Variants in ATP8A1 observed in about 807,000 individuals in gnomAD.
ATP8A1 encodes phospholipid-transporting ATPase IA.
Under a neutral mutation model 177.7 loss-of-function variants are expected in ATP8A1, and 90 were observed. The ratio of observed to expected loss-of-function variants is 0.51; its 90% CI spans 0.43 to 0.60. The LOEUF is 0.60. Ranked by LOEUF, ATP8A1 falls within the 20% of genes least tolerant of loss-of-function variation. The probability of loss-of-function intolerance (pLI) is 0.00; values close to 1 mark genes in which losing one functional copy is unlikely to be tolerated. For synonymous variants in ATP8A1, 493 were observed against 485.9 expected, an observed-to-expected ratio of 1.01 and a Z score of -0.19; for missense variants, 1,072 against 1,392.8, an observed-to-expected ratio of 0.77 and a Z score of 3.67.
chr4:42,501,841 A>T (rs1723884630), intron 24 of ATP8A1, among the ~76,000 whole-genome samples: 1 of 152,082 alleles, frequency 6.6e-6, no homozygotes, highest in Non-Finnish European at 1.5e-5. Flanking sequence ...TCACCACTTA[A>T]CTCCCTGGGA....
At chr4:42,638,237 T>C (rs1264359406) in intron 1 of ATP8A1, among the ~76,000 whole-genome samples, 1 of 152,262 alleles carries the variant, frequency 6.6e-6, no homozygotes, top group Non-Finnish European at 1.5e-5. Context: ...AAATGACATG[T>C]TTCTTTAAGT....
At position 42,481,663 on chromosome 4, in the gene ATP8A1, G is replaced by A. The variant is rs560214787; in HGVS notation, c.2324+3833C>T. ...TTCAGCTGTATCCATAAATCTCCAT[G>A]AGTCTTAGAACAAGCTTTTTTCCCT... On this transcript the variant is annotated intron_variant, in intron 25 of 36. Transcript: ENST00000381668. Among the ~76,000 whole-genome samples the A allele has an allele frequency of 3.9e-5, 6 of 152,298 alleles. No homozygotes were observed. The South Asian group carries it at 1.2e-3, about 32-fold the overall frequency.
intron 5 of ATP8A1, among the ~76,000 whole-genome samples, chr4:42,603,500 A>G (rs1417317278): frequency 6.6e-6 from 1 of 152,054 alleles, no homozygotes; most frequent in East Asian, 1.9e-4. Flanking sequence ...AATGCTTTTG[A>G]TGCAACTTAA....
chr4:42,495,290 C>T (rs1316711116), intron 24 of ATP8A1, among the ~76,000 whole-genome samples: 1 of 152,172 alleles, frequency 6.6e-6, no homozygotes, highest in Admixed American at 6.5e-5. Flanking sequence ...TTAGCACGTT[C>T]TTAAAGAGTG....
chr4:42,480,184 G>A (rs1332563752), intron 25 of ATP8A1, among the ~76,000 whole-genome samples: 3 of 152,010 alleles, frequency 2.0e-5, no homozygotes, highest in Non-Finnish European at 4.4e-5. Context: ...CCTGGTGGTG[G>A]TCATCATAAT....
intron 25 of ATP8A1, among the ~76,000 whole-genome samples, chr4:42,467,537 CA>C (rs1719916756): frequency 1.3e-5 from 2 of 152,128 alleles, no homozygotes; most frequent in East Asian, 1.9e-4. Flanking sequence ...AATAAAAATA[CA>C]AAAAATTAGC....
chr4:42,569,227 G>A, intron 14 of ATP8A1, 22 bp from the exon 15 acceptor site: 1 of 1,593,776 alleles, frequency 6.3e-7, no homozygotes, highest in Non-Finnish European at 8.6e-7. Context: ...AAGAAGAGAG[G>A]CAGAAAGAGA....
chr4:42,529,148 G>A (rs1727001109), intron 20 of ATP8A1, among the ~76,000 whole-genome samples: 1 of 152,208 alleles, frequency 6.6e-6, no homozygotes, highest in African/African-American at 2.4e-5. Context: ...CCAGGCTGCT[G>A]TACAAGCTGC....
chr4:42,504,416 T>C (rs1724158659), intron 23 of ATP8A1, among the ~76,000 whole-genome samples: 1 of 152,252 alleles, frequency 6.6e-6, no homozygotes, highest in South Asian at 2.1e-4. Context: ...TTTGGGTTAA[T>C]GGTAATTCCA....
At chr4:42,543,097 C>G (rs1407167076) in intron 20 of ATP8A1, among the ~76,000 whole-genome samples, 1 of 152,074 alleles carries the variant, frequency 6.6e-6, no homozygotes. Flanking sequence ...AATAATTCTA[C>G]CAAAATGCTT....
intron 1 of ATP8A1, 152 bp downstream of exon 1, chr4:42,656,673 C>CGG (rs918621877): frequency 3.5e-6 from 3 of 845,368 alleles, no homozygotes. Flanking sequence ...GGGGGCAGCG[C>CGG]GGGGGGAAGG....
chr4:42,620,638 G>C (rs1291240610), intron 4 of ATP8A1, among the ~76,000 whole-genome samples: 1 of 152,184 alleles, frequency 6.6e-6, no homozygotes, highest in Non-Finnish European at 1.5e-5. Flanking sequence ...GATTCTGACA[G>C]CCCCAGTGTG....
intron 35 of ATP8A1, among the ~76,000 whole-genome samples, chr4:42,419,673 C>A (rs1204512573): frequency 6.6e-6 from 1 of 152,158 alleles, no homozygotes; most frequent in Non-Finnish European, 1.5e-5. Flanking sequence ...TCACAAGAAT[C>A]ACAATTTCTT....
chr4:42,461,828 G>A (rs1054577554), intron 27 of ATP8A1, among the ~76,000 whole-genome samples: 6 of 152,192 alleles, frequency 3.9e-5, no homozygotes, highest in Non-Finnish European at 7.4e-5. Flanking sequence ...GAATGGCTTT[G>A]ACCAAAATGC....
intron 10 of ATP8A1, among the ~76,000 whole-genome samples, chr4:42,581,101 C>A (rs1732992925): frequency 6.6e-6 from 1 of 152,032 alleles, no homozygotes. Flanking sequence ...CCCTGGTGAA[C>A]CTTCCAGTAT....
chr4:42,544,340 A>G (rs1269419926), intron 19 of ATP8A1, among the ~76,000 whole-genome samples: 2 of 152,262 alleles, frequency 1.3e-5, no homozygotes, highest in Admixed American at 6.5e-5. Context: ...ATTATGTTAT[A>G]GTTTTTATGA....
chr4:42,423,537 T>C, intron 34 of ATP8A1, 80 bp downstream of exon 34: 1 of 930,106 alleles, frequency 1.1e-6, no homozygotes, highest in Non-Finnish European at 1.6e-6. Flanking sequence ...TCTACATGCT[T>C]GAGTTGATGT....
chr4:42,455,671 T>TA (rs1718406323), intron 27 of ATP8A1, 72 bp from the exon 28 acceptor site: 1 of 1,341,648 alleles, frequency 7.5e-7, no homozygotes, highest in African/African-American at 1.5e-5. Flanking sequence ...ATCTGTTGTA[T>TA]ACTCAACTGC....
rs1037439667 is a variant in ATP8A1 at position 42,569,187 on chromosome 4, C to T, written c.1314G>A (p.Glu438=). The T allele has an allele frequency of 1.9e-6, 3 of 1,606,680 alleles. No individual in the cohort carries two copies. In the African/African-American group the frequency reaches 4.0e-5, roughly 22 times the overall value. ...ATTCATCAGGAGAGCAGCCATAATC[C>T]TCAGGTTCAGGGACATGGCTTCAGA... ...GVAYGHVPEP[E]DYGCSPDEWQ... The change falls in exon 15 of 37, where the codon GAG becomes GAA. Residue 438 remains glutamate (E), a synonymous_variant. Transcript: ENST00000381668.
Sources: gnomAD v4.1 joint callset for allele counts (sites outside exome capture counted in the v4.1 genomes callset) on GRCh38, gnomAD v4.1.1 for gene constraint, MANE v1.5 for transcripts, NCBI Gene and HGNC (gene_info 2026-07-23, HGNC 2026-07-21) for gene names.